The following ATP8A2 variants were observed in gnomAD, a reference collection of about 807,000 sequenced individuals.
The protein encoded by ATP8A2 is ATPase phospholipid transporting 8A2.
In ATP8A2, 100 loss-of-function variants were observed where a neutral mutation model predicts 165.6. The observed-to-expected ratio is 0.60, with a 90% CI of 0.51 to 0.71. The LOEUF (loss-of-function observed/expected upper bound fraction) is 0.71. Among genes scored for constraint, ATP8A2 ranks in the 30% least tolerant of loss-of-function variants. ATP8A2 has a pLI of 0.00. For synonymous variants in ATP8A2, 543 were observed against 548.8 expected, an observed-to-expected ratio of 0.99 and a Z score of 0.15; for missense variants, 1,227 against 1,479.5, an observed-to-expected ratio of 0.83 and a Z score of 2.80.
chr13:26,006,479 T>G (rs548327925), intron 35 of ATP8A2, among the ~76,000 whole-genome samples: 1 of 152,200 alleles, frequency 6.6e-6, no homozygotes, highest in African/African-American at 2.4e-5. Flanking sequence ...ACTTCTTTCT[T>G]TCATATTTGG....
At chr13:25,801,224 CT>C (rs1168137440) in intron 27 of ATP8A2, among the ~76,000 whole-genome samples, 2 of 152,172 alleles carry the variant, frequency 1.3e-5, no homozygotes, top group African/African-American at 4.8e-5. Flanking sequence ...TGCGCTCCCT[CT>C]TCTGGGATGG....
intron 33 of ATP8A2, among the ~76,000 whole-genome samples, chr13:25,901,288 G>A (rs560988229): frequency 6.6e-6 from 1 of 152,090 alleles, no homozygotes; most frequent in Non-Finnish European, 1.5e-5. Context: ...CAGAAAGGTG[G>A]TTTGAAGAGG....
chr13:25,404,627 C>T (rs1039137560), intron 1 of ATP8A2, among the ~76,000 whole-genome samples: 2 of 152,016 alleles, frequency 1.3e-5, no homozygotes, highest in Middle Eastern at 3.2e-3. Flanking sequence ...AAAGAGGAGG[C>T]GAGCGTGCTG....
At chr13:25,554,511 ATGTGTGTGTGTGTGTGTATGTGTGTGTG>A (rs1566260115) in intron 12 of ATP8A2, among the ~76,000 whole-genome samples, 1 of 141,338 alleles carries the variant, frequency 7.1e-6, no homozygotes, top group Non-Finnish European at 1.5e-5. Flanking sequence ...AATATAAATC[ATGTGTGTGTGTGTGTGTATGTGTGTGTG>A]TGTGTGTGTG....
At chr13:25,969,296 T>A (rs1955860682) in intron 35 of ATP8A2, among the ~76,000 whole-genome samples, 1 of 152,236 alleles carries the variant, frequency 6.6e-6, no homozygotes, top group Non-Finnish European at 1.5e-5. Flanking sequence ...TTTTGTTTCA[T>A]CACACAAGAT....
At chr13:25,758,199 T>G (rs753993028) in intron 25 of ATP8A2, among the ~76,000 whole-genome samples, 10 of 152,196 alleles carry the variant, frequency 6.6e-5, no homozygotes, top group Non-Finnish European at 8.8e-5. Context: ...AACTGCAAGA[T>G]GATCATTACT....
intron 35 of ATP8A2, among the ~76,000 whole-genome samples, chr13:25,986,785 A>G (rs907031083): frequency 1.1e-4 from 17 of 152,206 alleles, no homozygotes; most frequent in Admixed American, 3.9e-4. Flanking sequence ...AGGAACCTCC[A>G]TACTGTTTTC....
At chr13:25,575,871 A>G (rs1056383183) in intron 19 of ATP8A2, among the ~76,000 whole-genome samples, 2 of 152,210 alleles carry the variant, frequency 1.3e-5, no homozygotes, top group Non-Finnish European at 2.9e-5. Context: ...ACCAGCAGTT[A>G]TTGGACAGGC....
rs898989966 is a variant in ATP8A2, at chr13:25,650,845, T to A, written c.2212-48328T>A. Among the ~76,000 whole-genome samples the A allele has an allele frequency of 3.3e-5, 5 of 152,194 alleles. No individual in the cohort carries two copies. In the East Asian group the frequency reaches 9.6e-4, roughly 29 times the overall value. On this transcript the variant is annotated intron_variant, in intron 24 of 36. Transcript: ENST00000381655. Reference sequence around the variant, plus strand: ...CTAGCTTTCCTAGAAATAGCCAACTTGGTCATGATGTGTTACTTTTTAAAA... The same window carrying A: ...CTAGCTTTCCTAGAAATAGCCAACTAGGTCATGATGTGTTACTTTTTAAAA...
rs1241151124 is a variant in ATP8A2 at position 25,477,976 on chromosome 13, T to TA, written c.221+8859dup. 7.4e-4 allele frequency among the ~76,000 whole-genome samples: 113 copies of TA among 152,262 alleles called. 2 individuals carry two copies. Among genetic ancestry groups the TA allele is most frequent in the Non-Finnish European group, 5.9e-5 (4 of 68,016 alleles). ...GTATACTATTTTCTCAAACAAATCT[T>TA]AAAATCAACTAGAAGTATCTGAGAG... On this transcript the variant is annotated intron_variant, in intron 2 of 36. Coordinates refer to ENST00000381655, the MANE Select transcript of ATP8A2 (RefSeq NM_016529.6).
chr13:25,797,501 G>T (rs368987321), intron 27 of ATP8A2, among the ~76,000 whole-genome samples: 1 of 151,970 alleles, frequency 6.6e-6, no homozygotes, highest in Non-Finnish European at 1.5e-5. Context: ...GTTATAGTAC[G>T]TTCTTAAGAG....
At chr13:25,460,473 A>T (rs1013889114) in intron 1 of ATP8A2, among the ~76,000 whole-genome samples, 2 of 152,196 alleles carry the variant, frequency 1.3e-5, no homozygotes, top group Admixed American at 6.5e-5. Flanking sequence ...TCCAACCCAT[A>T]TGAAAAATTA....
At chr13:25,849,108 A>T (rs561170904) in intron 30 of ATP8A2, among the ~76,000 whole-genome samples, 1 of 152,234 alleles carries the variant, frequency 6.6e-6, no homozygotes, top group South Asian at 2.1e-4. Context: ...AGAGAGGAAA[A>T]GCAGGAGAAA....
intron 15 of ATP8A2, among the ~76,000 whole-genome samples, chr13:25,560,804 C>T (rs962032761): frequency 6.6e-6 from 1 of 151,810 alleles, no homozygotes; most frequent in Non-Finnish European, 1.5e-5. Context: ...TGCTCCACCC[C>T]CTTTGGAAGC....
Position 25,659,943 on chromosome 13 carries a change from T to G in ATP8A2, c.2212-39230T>G, listed in dbSNP as rs147035781. On this transcript the variant is annotated intron_variant, in intron 24 of 36. Transcript: ENST00000381655. The stretch of plus-strand genomic sequence containing the variant: ...ATTACTAAGAGCCAAGCTACCCTCT[T>G]GAATTTGCTATTAGCCATTTTTTCC... Among the ~76,000 whole-genome samples the G allele has an allele frequency of 2.6e-3, 394 of 152,340 alleles. 4 individuals carry two copies. The highest frequency in any genetic ancestry group is 4.6e-3 in the Non-Finnish European group (310 of 68,034).
intron 28 of ATP8A2, among the ~76,000 whole-genome samples, chr13:25,828,676 A>G (rs917584614): frequency 1.3e-5 from 2 of 152,196 alleles, no homozygotes; most frequent in Non-Finnish European, 2.9e-5. Flanking sequence ...TAAAATAATG[A>G]ATTCTGACTT....
chr13:25,523,334 G>A (rs548382753), intron 2 of ATP8A2, among the ~76,000 whole-genome samples: 148 of 147,622 alleles, frequency 1.0e-3, no homozygotes, highest in African/African-American at 3.4e-3. Context: ...GTGCAGTGCC[G>A]CAATCTTGGC....
At chr13:25,473,688 C>T (rs1172546739) in intron 2 of ATP8A2, among the ~76,000 whole-genome samples, 1 of 152,120 alleles carries the variant, frequency 6.6e-6, no homozygotes, top group East Asian at 1.9e-4. Context: ...TTCCTCCCCC[C>T]ACCCCTAAGG....
In ATP8A2 at chr13:25,422,180, C is replaced by T. The variant is rs529456561; in HGVS notation, c.77-46797C>T. Among the ~76,000 whole-genome samples the T allele has an allele frequency of 3.9e-5, 6 of 151,938 alleles. 1 individual carries two copies. In the South Asian group the frequency reaches 8.3e-4, roughly 21 times the overall value. Reference sequence around the variant, plus strand: ...TAAACAGACAAAAACACTTATGACTCGAGAGTAATAATATAAATAATTTCT... The same window carrying T: ...TAAACAGACAAAAACACTTATGACTTGAGAGTAATAATATAAATAATTTCT... On this transcript the variant is annotated intron_variant, in intron 1 of 36. Coordinates refer to ENST00000381655, the MANE Select transcript of ATP8A2 (RefSeq NM_016529.6).
Sources: allele counts gnomAD v4.1 joint callset (sites outside exome capture counted in the v4.1 genomes callset), GRCh38; gene constraint gnomAD v4.1.1; transcripts MANE v1.5; gene names NCBI Gene and HGNC (gene_info 2026-07-23, HGNC 2026-07-21).